Variants in VGLL4 observed in about 807,000 individuals in gnomAD.
VGLL4 encodes vestigial like family member 4.
VGLL4 carries 7 observed loss-of-function variants against 21.0 expected under a neutral mutation model. That is an observed-to-expected ratio of 0.33 (90% CI 0.19 to 0.63). The LOEUF (loss-of-function observed/expected upper bound fraction) is 0.63. Among genes scored for constraint, VGLL4 ranks in the 20% least tolerant of loss-of-function variants. The pLI is 0.78. For synonymous variants in VGLL4, 222 were observed against 173.2 expected (o/e 1.28, Z -2.21); for missense variants, 394 against 425.7 (o/e 0.93, Z 0.66).
At chr3:11,599,971 G>GA (rs2074751793) in intron 2 of VGLL4, among the ~76,000 whole-genome samples, 1 of 152,146 alleles carries the variant, frequency 6.6e-6, no homozygotes, top group Non-Finnish European at 1.5e-5. Context: ...GAAAGATAAA[G>GA]AAAGTGGGAA....
chr3:11,606,258 C>G (rs574910277), intron 1 of VGLL4, among the ~76,000 whole-genome samples: 37 of 152,316 alleles, frequency 2.4e-4, no homozygotes, highest in African/African-American at 8.7e-4. Context: ...AGGTCCCTCC[C>G]ACAACACGTG....
intron 1 of VGLL4, among the ~76,000 whole-genome samples, chr3:11,720,204 C>T (rs536016442): frequency 9.4e-6 from 1 of 106,624 alleles, no homozygotes; most frequent in African/African-American, 3.8e-5. Context: ...GCACCCACGC[C>T]GCCCTCCGCT....
intron 2 of VGLL4, among the ~76,000 whole-genome samples, chr3:11,654,049 A>G (rs867457427): frequency 4.6e-5 from 7 of 152,086 alleles, no homozygotes; most frequent in Admixed American, 1.3e-4. Flanking sequence ...GGAGCCAGGG[A>G]TGCTGCCAAA....
At chr3:11,707,137 G>T (rs552408327) in intron 1 of VGLL4, among the ~76,000 whole-genome samples, 1 of 149,388 alleles carries the variant, frequency 6.7e-6, no homozygotes, top group Non-Finnish European at 1.5e-5. Context: ...GCAACATAGT[G>T]AGACCCCATT....
Position 11,564,866 on chromosome 3 carries a change from G to A in VGLL4, c.426C>T (p.Thr142=). 1 of 1,609,286 alleles carries A rather than the reference G, an allele frequency of 6.2e-7. No individual in the cohort carries two copies. Among genetic ancestry groups the A allele is most frequent in the Non-Finnish European group, 8.5e-7 (1 of 1,178,700 alleles). ...SLGLEQPLAL[T]KNSLDASRPA... The stretch of plus-strand genomic sequence containing the variant: ...GCCTGCTGGCGTCCAGGCTGTTCTT[G>A]GTCAGTGCGAGGGGCTGCTCCAGGC... The change falls in exon 3 of 5, where the codon ACC becomes ACT. Residue 142 remains threonine (T), a synonymous_variant. Transcript: ENST00000430365.
At chr3:11,711,586 G>A (rs912970554) in intron 1 of VGLL4, among the ~76,000 whole-genome samples, 20 of 151,610 alleles carry the variant, frequency 1.3e-4, no homozygotes, top group African/African-American at 4.4e-4. Context: ...GTATGGTGGC[G>A]TATGCCTGTA....
At chr3:11,632,196 C>T (rs1001752724) in intron 1 of VGLL4, among the ~76,000 whole-genome samples, 16 of 152,004 alleles carry the variant, frequency 1.1e-4, no homozygotes, top group African/African-American at 3.6e-4. Flanking sequence ...ACCTGTAGTC[C>T]CAGCTACTTG....
chr3:11,625,547 G>C (rs1170168687), intron 1 of VGLL4, among the ~76,000 whole-genome samples: 5 of 152,178 alleles, frequency 3.3e-5, no homozygotes, highest in Non-Finnish European at 7.3e-5. Context: ...GGTTACACCA[G>C]AGGGTTAGGA....
chr3:11,711,029 G>A (rs1364887834), intron 1 of VGLL4, among the ~76,000 whole-genome samples: 1 of 151,746 alleles, frequency 6.6e-6, no homozygotes, highest in Admixed American at 6.6e-5. Flanking sequence ...GAACCCGGGA[G>A]GCGGAGTTTG....
chr3:11,719,481 G>A lies in VGLL4; in HGVS notation c.-14+913C>T, dbSNP rs1460374475. On this transcript the variant is annotated intron_variant, in intron 1 of 5. Transcript: ENST00000273038. This position sits in a 1 kb window ranked among gnomAD's most constrained non-coding sequence, Gnocchi z 4.0. ...GGCCCTGCGGGGGACCCAGGGGCGG[G>A]GACGGGACCTGGGCACGCGGGGCGC... 1.3e-5 allele frequency: 2 copies of A among 151,300 alleles called. No homozygotes were observed. Among genetic ancestry groups the A allele is most frequent in the South Asian group, 2.1e-4 (1 of 4,836 alleles). The allele number at this position is 151,300 out of a possible 1,614,324, so 9.4% of individuals were successfully genotyped here. A position where few individuals can be genotyped will look rare whatever the true frequency, so the allele number is the denominator to read the frequency against.
intron 2 of VGLL4, among the ~76,000 whole-genome samples, chr3:11,668,828 G>T (rs1274872920): frequency 6.6e-6 from 1 of 152,174 alleles, no homozygotes; most frequent in Non-Finnish European, 1.5e-5. Context: ...ACTGACCTCA[G>T]AACTCATCTC....
intron 2 of VGLL4, among the ~76,000 whole-genome samples, chr3:11,574,785 A>ATGTATGTGTGTGTGTGTGTGTG (rs1553723624): frequency 8.2e-6 from 1 of 121,700 alleles, no homozygotes; most frequent in African/African-American, 3.2e-5. Context: ...TCAACTATAT[A>ATGTATGTGTGTGTGTGTGTGTG]TGTGTGTGTG....
chr3:11,644,118 A>C (rs2075750418), upstream of VGLL4, among the ~76,000 whole-genome samples: 1 of 152,196 alleles, frequency 6.6e-6, no homozygotes, highest in African/African-American at 2.4e-5. Context: ...GAAGCAGCCA[A>C]GCCGCTGCAA....
In VGLL4 at chr3:11,719,792, C is replaced by T. The variant is rs189763166; in HGVS notation, c.-14+602G>A. Among the ~76,000 whole-genome samples, 11 of 152,150 alleles carry T rather than the reference C, an allele frequency of 7.2e-5. No individual in the cohort carries two copies. Among genetic ancestry groups the T allele is most frequent in the Admixed American group, 6.5e-4 (10 of 15,292 alleles). On this transcript the variant is annotated intron_variant, in intron 1 of 5. Transcript: ENST00000273038. The surrounding 1 kb of genome is among the most constrained non-coding windows in gnomAD (Gnocchi z 4.0). ...CCCGCGGCAGGGAGAGGCCGCTTTC[C>T]CTCCCCCGCCAGCTGCGCGCCCGGT...
At position 11,574,523 on chromosome 3, in the gene VGLL4, C is replaced by T. The variant is rs959917662; in HGVS notation, c.273-9504G>A. Reference sequence around the variant, plus strand: ...AGAAGGTAGGGGCTGGAGAGATTTGCTAAAGGATACAAAATTACAGCCAGG... The same window carrying T: ...AGAAGGTAGGGGCTGGAGAGATTTGTTAAAGGATACAAAATTACAGCCAGG... On this transcript the variant is annotated intron_variant, in intron 2 of 4. Transcript: ENST00000430365. Among the ~76,000 whole-genome samples the T allele has an allele frequency of 1.8e-4, 28 of 152,098 alleles. 3 individuals carry two copies. Among genetic ancestry groups the T allele is most frequent in the Admixed American group, 1.5e-3 (23 of 15,254 alleles).
Position 11,591,017 on chromosome 3 carries a change from T to A in VGLL4, c.272+10816A>T, listed in dbSNP as rs143794928. Among the ~76,000 whole-genome samples the A allele has an allele frequency of 8.5e-5, 13 of 152,288 alleles. No individual in the cohort carries two copies. In the East Asian group the frequency reaches 2.5e-3, roughly 29 times the overall value. On this transcript the variant is annotated intron_variant, in intron 2 of 4. Coordinates refer to ENST00000430365, the MANE Select transcript of VGLL4 (RefSeq NM_001128219.3). The stretch of plus-strand genomic sequence containing the variant: ...TGGTTTTGTGTCACAGTAAGAGGTC[T>A]ATGAAGGTCACAGGCAATGTCGAGG...
chr3:11,720,078 G>A (rs1053323326), intron 1 of VGLL4, among the ~76,000 whole-genome samples: 1 of 152,146 alleles, frequency 6.6e-6, no homozygotes, highest in African/African-American at 2.4e-5. Context: ...CCCTGCTCCC[G>A]GGGGACAGCG....
At chr3:11,703,025 G>A (rs2076705203) in exon 2 of VGLL4, 1 of 1,612,440 alleles carries the variant, frequency 6.2e-7, no homozygotes, top group African/African-American at 1.3e-5. Context: ...ACATCCAATG[G>A]CGTCTCCATT....
intron 1 of VGLL4, among the ~76,000 whole-genome samples, chr3:11,616,740 T>C (rs1199381684): frequency 1.3e-5 from 2 of 152,264 alleles, no homozygotes; most frequent in Non-Finnish European, 2.9e-5. Flanking sequence ...AAAGGCATTG[T>C]TGTGCCTGGG....
Sources: gnomAD v4.1 joint callset for allele counts (sites outside exome capture counted in the v4.1 genomes callset) on GRCh38, gnomAD v4.1.1 for gene constraint, Gnocchi (gnomAD v3.1) non-coding constraint, MANE v1.5 for transcripts, NCBI Gene and HGNC (gene_info 2026-07-23, HGNC 2026-07-21) for gene names.